The following GON4L variants were observed in gnomAD, a reference collection of about 807,000 sequenced individuals.
The protein encoded by GON4L is gon-4 like, also known as GON-4-like protein.
In GON4L, 87 loss-of-function variants were observed where a neutral mutation model predicts 211.8. The observed-to-expected ratio is 0.41, with a 90% CI of 0.35 to 0.49. The LOEUF is 0.49. Among genes scored for constraint, GON4L ranks in the 20% least tolerant of loss-of-function variants. GON4L has a pLI of 0.15. For missense variants in GON4L, 2,155 were observed against 2,659.5 expected (o/e 0.81, Z 4.17); for synonymous variants, 875 against 962.6 (o/e 0.91, Z 1.68).
chr1:155,837,529 A>G (rs374067032), intron 2 of GON4L, among the ~76,000 whole-genome samples: 11 of 152,160 alleles, frequency 7.2e-5, no homozygotes, highest in African/African-American at 2.4e-4. Context: ...GGACAGTCCC[A>G]AGGTCTTGGG....
chr1:155,767,000 C>T (rs1366280667), intron 20 of GON4L: 4 of 545,694 alleles, frequency 7.3e-6, no homozygotes, highest in Non-Finnish European at 1.3e-5. Context: ...AAGCCGAGAT[C>T]GCACCTTAGC....
intron 2 of GON4L, among the ~76,000 whole-genome samples, chr1:155,841,812 G>A (rs1223214567): frequency 6.6e-6 from 1 of 152,168 alleles, no homozygotes; most frequent in African/African-American, 2.4e-5. Context: ...CAGATCACCT[G>A]AGGTTAGGAG....
At position 155,759,954 on chromosome 1, in the gene GON4L, T is replaced by C. The variant is rs1371244694; in HGVS notation, c.5109+490A>G. ...TGTTTATATTTATTTTTATAATTTATATTTTATATATTATATATATATATA... is the reference window on the plus strand; with the variant it reads ...TGTTTATATTTATTTTTATAATTTACATTTTATATATTATATATATATATA... On this transcript the variant is annotated intron_variant, in intron 24 of 31. Transcript: ENST00000368331. 6.4e-5 allele frequency among the ~76,000 whole-genome samples: 9 copies of C among 141,152 alleles called. 1 individual carries two copies. Among genetic ancestry groups the C allele is most frequent in the Admixed American group, 5.6e-4 (8 of 14,368 alleles). 92.6% of individuals were successfully genotyped at this position (141,152 alleles called of 152,430 possible).
intron 11 of GON4L, among the ~76,000 whole-genome samples, chr1:155,803,247 C>CTTTTTTT (rs1017161138): frequency 1.4e-5 from 2 of 141,114 alleles, no homozygotes; most frequent in African/African-American, 2.6e-5. Flanking sequence ...ATTTCTTTTT[C>CTTTTTTT]TTTTTTTTTT....
intron 8 of GON4L, among the ~76,000 whole-genome samples, chr1:155,815,310 T>G (rs1571842532): frequency 6.6e-6 from 1 of 152,182 alleles, no homozygotes; most frequent in Non-Finnish European, 1.5e-5. Context: ...AGCTTAATGT[T>G]GAATTTTAAA....
At chr1:155,838,639 G>GT (rs1288236488) in intron 2 of GON4L, among the ~76,000 whole-genome samples, 4 of 151,972 alleles carry the variant, frequency 2.6e-5, no homozygotes, top group African/African-American at 9.7e-5. Context: ...GCCAGGCGTG[G>GT]TGGTGCATGC....
chr1:155,858,923 G>A (rs1180127980), upstream of GON4L, among the ~76,000 whole-genome samples: 3 of 151,964 alleles, frequency 2.0e-5, no homozygotes, highest in Non-Finnish European at 4.4e-5. Flanking sequence ...TCGAACTCCT[G>A]ACCTCAAGTG....
Position 155,853,692 on chromosome 1 carries a change from G to A in GON4L, c.89C>T (p.Ser30Leu). The change falls in exon 2 of 32, where the codon TCA (serine) becomes TTA (leucine). Residue 30 changes from serine to leucine, a missense_variant. This residue lies in a region of GON4L where 313 missense variants were observed against 293.2 expected (regional missense o/e 1.07). Coordinates refer to ENST00000368331, the MANE Select transcript of GON4L (RefSeq NM_001282860.2). ...CTGGTCAGATTCTGGTTTAACGGCT[G>A]ATTCTAGGTCTACGTTGTTTTCCTC... ...NQEENNVDLESAVKPESDQVK... is the reference protein window; with the variant it reads ...NQEENNVDLELAVKPESDQVK... 4 of 1,613,398 alleles carry A rather than the reference G, an allele frequency of 2.5e-6. No individual in the cohort carries two copies. The highest frequency in any genetic ancestry group is 3.3e-5 in the Admixed American group (2 of 60,008).
intron 2 of GON4L, among the ~76,000 whole-genome samples, chr1:155,853,021 A>C (rs533720111): frequency 6.6e-6 from 1 of 152,230 alleles, no homozygotes; most frequent in South Asian, 2.1e-4. Context: ...CTGAGGCAGG[A>C]GAATCGCTTG....
intron 2 of GON4L, among the ~76,000 whole-genome samples, chr1:155,849,651 G>A (rs1358834826): frequency 1.3e-5 from 2 of 150,680 alleles, no homozygotes; most frequent in Non-Finnish European, 2.9e-5. Flanking sequence ...GTGGGTGCCT[G>A]TAATCCCAGC....
intron 2 of GON4L, among the ~76,000 whole-genome samples, chr1:155,827,699 CAA>C (rs35834212): frequency 0.55 from 79,911 of 146,198 alleles, 23,174 homozygotes; most frequent in Middle Eastern, 0.68. Context: ...CACACACACA[CAA>C]AAAAAAAAGC....
At chr1:155,754,029 A>G (rs1660883150) in intron 28 of GON4L, 2 of 368,992 alleles carry the variant, frequency 5.4e-6, no homozygotes, top group African/African-American at 4.2e-5. Context: ...CTCACCAAGA[A>G]CTGTGTTTTT....
chr1:155,811,186 A>G (rs1667728705), intron 10 of GON4L, among the ~76,000 whole-genome samples: 1 of 151,670 alleles, frequency 6.6e-6, no homozygotes. Context: ...AGGTCAGGAG[A>G]TCAAGACCAT....
chr1:155,839,936 A>T (rs1670632121), intron 2 of GON4L, among the ~76,000 whole-genome samples: 1 of 152,210 alleles, frequency 6.6e-6, no homozygotes, highest in African/African-American at 2.4e-5. Context: ...CATATCTCAT[A>T]AGTTCAATTG....
At chr1:155,803,791 G>C (rs1030356278) in intron 11 of GON4L, among the ~76,000 whole-genome samples, 2 of 152,190 alleles carry the variant, frequency 1.3e-5, no homozygotes, top group African/African-American at 4.8e-5. Flanking sequence ...TTGCAGGGGA[G>C]AGTCCTGAAG....
At chr1:155,770,922 AG>A in intron 19 of GON4L, 144 bp downstream of exon 19, 2 of 1,152,388 alleles carry the variant, frequency 1.7e-6, no homozygotes, top group Non-Finnish European at 2.6e-6. Context: ...ATTGCCCAAA[AG>A]GCAATAGGGG....
chr1:155,851,438 G>A (rs1022904562), intron 2 of GON4L, among the ~76,000 whole-genome samples: 7 of 151,414 alleles, frequency 4.6e-5, no homozygotes, highest in African/African-American at 7.3e-5. Flanking sequence ...AATCTAGGCC[G>A]GGCGCAGTGG....
intron 2 of GON4L, among the ~76,000 whole-genome samples, chr1:155,839,703 A>G (rs1366220319): frequency 6.6e-6 from 1 of 152,110 alleles, no homozygotes; most frequent in Non-Finnish European, 1.5e-5. Context: ...TCATTCAACC[A>G]TATCATACAT....
chr1:155,787,201 C>T (rs1159276958), intron 12 of GON4L, among the ~76,000 whole-genome samples: 2 of 152,060 alleles, frequency 1.3e-5, no homozygotes, highest in Non-Finnish European at 2.9e-5. Flanking sequence ...TGAGCTACCG[C>T]GCCCAGCAAG....
Sources: allele counts gnomAD v4.1 joint callset (sites outside exome capture counted in the v4.1 genomes callset), GRCh38; gene constraint gnomAD v4.1.1; regional missense constraint gnomAD v4.1.1; transcripts MANE v1.5; gene names NCBI Gene and HGNC (gene_info 2026-07-23, HGNC 2026-07-21).